The following NRG1 variants were observed in gnomAD, a reference collection of about 807,000 sequenced individuals.
NRG1 encodes the protein neuregulin 1.
NRG1 carries 18 observed loss-of-function variants against 63.8 expected under a neutral mutation model. The observed-to-expected ratio is 0.28, with a 90% CI of 0.19 to 0.42. The LOEUF (loss-of-function observed/expected upper bound fraction) is 0.42, where lower values mean the gene tolerates loss of function less well. Among genes scored for constraint, NRG1 ranks in the 10% least tolerant of loss-of-function variants. NRG1 has a pLI of 1.00. For synonymous variants in NRG1, 302 were observed against 301.3 expected, an observed-to-expected ratio of 1.00 and a Z score of -0.02; for missense variants, 762 against 814.7, an observed-to-expected ratio of 0.94 and a Z score of 0.79.
intron 1 of NRG1, among the ~76,000 whole-genome samples, chr8:32,341,521 G>A (rs1804074207): frequency 6.6e-6 from 1 of 152,222 alleles, no homozygotes; most frequent in South Asian, 2.1e-4. Flanking sequence ...TGAGGTTCCT[G>A]CTGTCCTGTG....
chr8:32,527,117 G>A (rs565895793), intron 1 of NRG1, among the ~76,000 whole-genome samples: 5 of 152,218 alleles, frequency 3.3e-5, no homozygotes, highest in Non-Finnish European at 7.4e-5. Flanking sequence ...ACTACCATTC[G>A]ATCCAGCAAT....
intron 1 of NRG1, among the ~76,000 whole-genome samples, chr8:32,268,816 A>G (rs1851257736): frequency 1.3e-5 from 2 of 152,104 alleles, no homozygotes; most frequent in South Asian, 2.1e-4. Context: ...TTTGTGTTCT[A>G]TGGTTTGACC....
Position 31,829,354 on chromosome 8 carries a change from A to G in NRG1, c.37+189923A>G, listed in dbSNP as rs570970091. Among the ~76,000 whole-genome samples, 6 of 152,344 alleles carry G rather than the reference A, an allele frequency of 3.9e-5. No homozygotes were observed. In the South Asian group the frequency reaches 8.3e-4, roughly 21 times the overall value. On this transcript the variant is annotated intron_variant, in intron 1 of 10. Transcript: ENST00000519301. Reference sequence around the variant, plus strand: ...TTGCTGGACACTTAATTGGTGTTCAATAAACATGGTGAATTCATTTAACAA... The same window carrying G: ...TTGCTGGACACTTAATTGGTGTTCAGTAAACATGGTGAATTCATTTAACAA...
chr8:32,066,314 T>C (rs1179290213), intron 1 of NRG1, among the ~76,000 whole-genome samples: 1 of 152,172 alleles, frequency 6.6e-6, no homozygotes, highest in Non-Finnish European at 1.5e-5. Context: ...GTTTTAATGG[T>C]TTTAGGTCTA....
At chr8:31,966,339 G>A (rs1301482177) in intron 1 of NRG1, among the ~76,000 whole-genome samples, 1 of 152,150 alleles carries the variant, frequency 6.6e-6, no homozygotes, top group Non-Finnish European at 1.5e-5. Flanking sequence ...GCATTCTGGA[G>A]TAATAATCTG....
At chr8:31,987,296 C>CAAA (rs573116880) in intron 1 of NRG1, among the ~76,000 whole-genome samples, 1 of 77,932 alleles carries the variant, frequency 1.3e-5, no homozygotes, top group African/African-American at 4.2e-5. Context: ...GAGACTGTCT[C>CAAA]AAAAAAAAAA....
At chr8:32,371,351 TTC>T (rs1808828578) in intron 1 of NRG1, among the ~76,000 whole-genome samples, 1 of 152,220 alleles carries the variant, frequency 6.6e-6, no homozygotes, top group Non-Finnish European at 1.5e-5. Context: ...CAGCTCAGCA[TTC>T]TGTGACTGCG....
chr8:32,579,126 TG>T (rs1225788571), intron 1 of NRG1, among the ~76,000 whole-genome samples: 18 of 152,020 alleles, frequency 1.2e-4, no homozygotes, highest in African/African-American at 4.1e-4. Flanking sequence ...TACCAATATT[TG>T]GGTTTGGGCT....
chr8:32,207,414 T>C (rs16875659), intron 1 of NRG1, among the ~76,000 whole-genome samples: 18,967 of 152,122 alleles, frequency 0.12, 1,216 homozygotes, highest in East Asian at 0.25. Flanking sequence ...GTGCCATTGC[T>C]TGATATATCT....
At chr8:32,343,871 A>G (rs1331608475) in intron 1 of NRG1, among the ~76,000 whole-genome samples, 1 of 152,238 alleles carries the variant, frequency 6.6e-6, no homozygotes, top group African/African-American at 2.4e-5. Flanking sequence ...TCAGGTCATC[A>G]GATTCTGTAA....
At chr8:32,467,404 A>C (rs186612129) in intron 1 of NRG1, among the ~76,000 whole-genome samples, 1 of 152,160 alleles carries the variant, frequency 6.6e-6, no homozygotes, top group East Asian at 1.9e-4. Context: ...CCCTGAATGC[A>C]TGAGTATGCA....
At chr8:32,135,497 C>G (rs745973626) in intron 1 of NRG1, among the ~76,000 whole-genome samples, 1 of 151,894 alleles carries the variant, frequency 6.6e-6, no homozygotes, top group Non-Finnish European at 1.5e-5. Flanking sequence ...ACTGGCTTAG[C>G]AGGGTGGGCA....
At chr8:32,311,106 G>A (rs190131350) in intron 1 of NRG1, among the ~76,000 whole-genome samples, 4 of 152,218 alleles carry the variant, frequency 2.6e-5, no homozygotes, top group Admixed American at 2.6e-4. Context: ...GGCACTCAGG[G>A]GAAACGACTA....
At chr8:31,759,773 C>T (rs929591746) in intron 1 of NRG1, among the ~76,000 whole-genome samples, 1 of 152,032 alleles carries the variant, frequency 6.6e-6, no homozygotes, top group African/African-American at 2.4e-5. Flanking sequence ...ATTGGTATTG[C>T]TTTGAGTCTA....
At chr8:31,904,540 G>A (rs532056649) in intron 1 of NRG1, among the ~76,000 whole-genome samples, 3 of 152,160 alleles carry the variant, frequency 2.0e-5, no homozygotes, top group Non-Finnish European at 4.4e-5. Flanking sequence ...ATACCCAAAG[G>A]AGTATAAATC....
intron 1 of NRG1, among the ~76,000 whole-genome samples, chr8:32,100,919 A>G (rs1830490347): frequency 6.6e-6 from 1 of 152,150 alleles, no homozygotes; most frequent in African/African-American, 2.4e-5. Flanking sequence ...ACCACAAGAA[A>G]TACTCTGTAA....
At chr8:32,417,663 T>C in intron 1 of NRG1, among the ~76,000 whole-genome samples, 1 of 151,698 alleles carries the variant, frequency 6.6e-6, no homozygotes. Context: ...TCAAACTTTC[T>C]TTTTGGTCTT....
chr8:31,928,391 T>C (rs1039840154), intron 1 of NRG1, among the ~76,000 whole-genome samples: 1 of 142,320 alleles, frequency 7.0e-6, no homozygotes, highest in Non-Finnish European at 1.5e-5. Context: ...GTTTATACAC[T>C]GCTGGTGGGA....
At chr8:32,593,215 G>C (rs1432664605) in intron 1 of NRG1, among the ~76,000 whole-genome samples, 1 of 152,096 alleles carries the variant, frequency 6.6e-6, no homozygotes, top group Non-Finnish European at 1.5e-5. Context: ...GGAAGTTCTG[G>C]TGTGTTCCCA....
Sources: gnomAD v4.1 joint callset for allele counts (sites outside exome capture counted in the v4.1 genomes callset) on GRCh38, gnomAD v4.1.1 for gene constraint, MANE v1.5 for transcripts, NCBI Gene and HGNC (gene_info 2026-07-23, HGNC 2026-07-21) for gene names.